Variants in MSI2 observed in about 807,000 individuals in gnomAD.
MSI2 encodes RNA-binding protein Musashi homolog 2.
Under a neutral mutation model 45.6 loss-of-function variants are expected in MSI2, and 17 were observed. That is an observed-to-expected ratio of 0.37 (90% CI 0.26 to 0.56). The LOEUF is 0.56. Among genes scored for constraint, MSI2 ranks in the 20% least tolerant of loss-of-function variants. The pLI is 0.77. For synonymous variants in MSI2, 156 were observed against 158.2 expected (o/e 0.99, Z 0.11); for missense variants, 293 against 444.2 (o/e 0.66, Z 3.06).
intron 7 of MSI2, among the ~76,000 whole-genome samples, chr17:57,533,709 C>G (rs2086867506): frequency 6.6e-6 from 1 of 152,188 alleles, no homozygotes; most frequent in African/African-American, 2.4e-5. Flanking sequence ...GAGGGAGAAG[C>G]TGACTTGCGA....
intron 5 of MSI2, among the ~76,000 whole-genome samples, chr17:57,276,916 G>A (rs1301267164): frequency 6.6e-6 from 1 of 152,158 alleles, no homozygotes; most frequent in African/African-American, 2.4e-5. Flanking sequence ...GAAAGGATGA[G>A]ACCAGAGACA....
rs975206596 is a variant in MSI2 at position 57,627,524 on chromosome 17, G to A, written c.727+221G>A. 8.6e-6 allele frequency: 5 copies of A among 578,910 alleles called. No homozygotes were observed. The Admixed American group carries it at 9.4e-5, about 11-fold the overall frequency. The allele number at this position is 578,910 out of a possible 1,614,324, so 35.9% of individuals were successfully genotyped here. Reference sequence around the variant, plus strand: ...TCACTGGTGCCGGGTATTTGAGAACGGCAGCTTTTAAAGGGAAAGCAGAAC... The same window carrying A: ...TCACTGGTGCCGGGTATTTGAGAACAGCAGCTTTTAAAGGGAAAGCAGAAC... On this transcript the variant is annotated intron_variant, in intron 10 of 13. Transcript: ENST00000284073. The surrounding 1 kb of genome is among the most constrained non-coding windows in gnomAD (Gnocchi z 4.6).
Position 57,682,143 on chromosome 17 carries a change from TAG to T in MSI2, c.*2628_*2629del, listed in dbSNP as rs1913643280. On this transcript the variant is annotated 3_prime_UTR_variant, in exon 14 of 14. Coordinates refer to ENST00000284073, the MANE Select transcript of MSI2 (RefSeq NM_138962.4). The stretch of plus-strand genomic sequence containing the variant: ...TATTCAGATTTAGGACCAGTAAGGA[TAG>T]AACTTTCTCTTATTTATGAAAAAAA... The T allele has an allele frequency of 1.0e-5, 2 of 194,852 alleles. No individual in the cohort carries two copies. The highest frequency in any genetic ancestry group is 2.1e-5 in the Non-Finnish European group (2 of 93,768). The allele number at this position is 194,852 out of a possible 1,614,324, so 12.1% of individuals were successfully genotyped here.
chr17:57,588,015 G>A (rs1354536312), intron 7 of MSI2, among the ~76,000 whole-genome samples: 1 of 152,164 alleles, frequency 6.6e-6, no homozygotes, highest in African/African-American at 2.4e-5. Context: ...ACAGTGGAGG[G>A]GCTGCGATGC....
At chr17:57,556,637 G>C (rs1416451759) in intron 7 of MSI2, among the ~76,000 whole-genome samples, 1 of 152,186 alleles carries the variant, frequency 6.6e-6, no homozygotes, top group Non-Finnish European at 1.5e-5. Context: ...TGATTGGCTG[G>C]TTGGGTCTTT....
At chr17:57,413,490 A>G (rs189301895) in intron 6 of MSI2, among the ~76,000 whole-genome samples, 4 of 151,928 alleles carry the variant, frequency 2.6e-5, no homozygotes, top group Admixed American at 2.0e-4. Flanking sequence ...CACTCTTTAC[A>G]TTTCTTTCTC....
Position 57,652,160 on chromosome 17 carries a change from A to G in MSI2, c.789A>G (p.Ser263=). Residue 263 remains serine (S), a splice_region_variant and synonymous_variant, in exon 11 of 14, where the codon TCA becomes TCG. Transcript: ENST00000284073. The surrounding 1 kb of genome is among the most constrained non-coding windows in gnomAD (Gnocchi z 4.1). The part of the protein sequence containing the change: ...AAAAVAAARG[S]GSNPARPGGF... ...CGGCGGTGGCGGCAGCAAGAGGATCAGGTAGGAAGGTGTATGGGACAGGCG... is the reference window on the plus strand; with the variant it reads ...CGGCGGTGGCGGCAGCAAGAGGATCGGGTAGGAAGGTGTATGGGACAGGCG... The G allele has an allele frequency of 6.2e-7, 1 of 1,613,928 alleles. No homozygotes were observed. Among genetic ancestry groups the G allele is most frequent in the Non-Finnish European group, 8.5e-7 (1 of 1,179,898 alleles).
chr17:57,632,974 G>A (rs1909533011), intron 10 of MSI2: 2 of 1,051,448 alleles, frequency 1.9e-6, no homozygotes, highest in South Asian at 4.6e-5. Flanking sequence ...GAACAAATCT[G>A]TATGGCTTTT....
intron 5 of MSI2, among the ~76,000 whole-genome samples, chr17:57,305,445 A>C (rs1448741013): frequency 1.3e-5 from 2 of 152,304 alleles, no homozygotes; most frequent in East Asian, 3.9e-4. Context: ...AGAGTTAATA[A>C]ATTAATCTTC....
intron 6 of MSI2, among the ~76,000 whole-genome samples, chr17:57,415,654 TCCC>T (rs1010838599): frequency 6.6e-6 from 1 of 151,820 alleles, no homozygotes; most frequent in Non-Finnish European, 1.5e-5. Context: ...TGCTCCCCAT[TCCC>T]CCCAACATCC....
At chr17:57,461,285 C>G (rs1387294952) in intron 6 of MSI2, among the ~76,000 whole-genome samples, 1 of 152,082 alleles carries the variant, frequency 6.6e-6, no homozygotes, top group Non-Finnish European at 1.5e-5. Context: ...CACGGTCATC[C>G]TAGGCAGCTG....
chr17:57,533,200 C>G (rs2086856587), intron 7 of MSI2, among the ~76,000 whole-genome samples: 1 of 152,108 alleles, frequency 6.6e-6, no homozygotes, highest in Admixed American at 6.5e-5. Context: ...CTTGTATCTC[C>G]CATCCACAGG....
chr17:57,422,011 C>G (rs1231133580), intron 6 of MSI2, among the ~76,000 whole-genome samples: 1 of 152,208 alleles, frequency 6.6e-6, no homozygotes, highest in East Asian at 1.9e-4. Context: ...AAATGTTACA[C>G]AGCTTTACAA....
At chr17:57,269,988 G>A (rs1713222239) in intron 5 of MSI2, among the ~76,000 whole-genome samples, 1 of 152,192 alleles carries the variant, frequency 6.6e-6, no homozygotes, top group Non-Finnish European at 1.5e-5. Context: ...AGCTGGGACA[G>A]TTGTCCCACT....
chr17:57,644,965 C>T (rs1910541307), intron 10 of MSI2, among the ~76,000 whole-genome samples: 1 of 152,138 alleles, frequency 6.6e-6, no homozygotes, highest in South Asian at 2.1e-4. Flanking sequence ...AGTCCACTCC[C>T]AGACCAGTGT....
At chr17:57,610,450 T>TTGGGGAACACTCACCGTTGACCC (rs1567934848) in intron 8 of MSI2, among the ~76,000 whole-genome samples, 29 of 109,556 alleles carry the variant, frequency 2.6e-4, no homozygotes, top group South Asian at 9.1e-4. Flanking sequence ...AGACTCCGTC[T>TTGGGGAACACTCACCGTTGACCC]AAAAAAAAAA....
intron 5 of MSI2, among the ~76,000 whole-genome samples, chr17:57,297,269 G>T (rs1278204401): frequency 1.3e-5 from 2 of 151,426 alleles, no homozygotes; most frequent in African/African-American, 4.9e-5. Flanking sequence ...AGATATTGCA[G>T]ATTCAGTTCC....
chr17:57,330,829 C>T (rs1156535751), intron 5 of MSI2, among the ~76,000 whole-genome samples: 1 of 151,878 alleles, frequency 6.6e-6, no homozygotes, highest in Non-Finnish European at 1.5e-5. Context: ...TGTATGTGAC[C>T]TTGAACAAGA....
chr17:57,542,558 A>ATGTCCTGG (rs141014617), intron 7 of MSI2, among the ~76,000 whole-genome samples: 2,886 of 152,268 alleles, frequency 0.019, 48 homozygotes, highest in Middle Eastern at 0.027. Context: ...AGATGTCCTG[A>ATGTCCTGG]TGCCTGAGTC....
Sources: allele counts gnomAD v4.1 joint callset (sites outside exome capture counted in the v4.1 genomes callset), GRCh38; gene constraint gnomAD v4.1.1; non-coding constraint Gnocchi (gnomAD v3.1); transcripts MANE v1.5; gene names NCBI Gene and HGNC (gene_info 2026-07-23, HGNC 2026-07-21).